Variants in ARHGEF33 observed in about 807,000 individuals in gnomAD.
The protein encoded by ARHGEF33 is DH and coiled-coil domain-containing protein ENSP00000381780.
ARHGEF33 carries 72 observed loss-of-function variants against 101.9 expected under a neutral mutation model. The observed-to-expected ratio is 0.71, with a 90% CI of 0.58 to 0.86. ARHGEF33 has a LOEUF of 0.86. Among genes scored for constraint, ARHGEF33 ranks in the 40% least tolerant of loss-of-function variants. The pLI is 0.00. For missense variants in ARHGEF33, 1,169 were observed against 1,111.3 expected (o/e 1.05, Z -0.74); for synonymous variants, 499 against 442.5 (o/e 1.13, Z -1.60).
rs1370131505 is a variant in ARHGEF33, at chr2:38,963,914, G to A, written c.2344-2092G>A. Among the ~76,000 whole-genome samples, 3 of 152,146 alleles carry A rather than the reference G, an allele frequency of 2.0e-5. No individual in the cohort carries two copies. The East Asian group carries it at 5.8e-4, about 29-fold the overall frequency. On this transcript the variant is annotated intron_variant, in intron 16 of 17. Coordinates refer to ENST00000409978, the MANE Select transcript of ARHGEF33 (RefSeq NM_001145451.5). ...TCCACAGACTGCGGAGGGGGAGGTG[G>A]TTTTGAGATGATTCAAGTGCGTTAC...
At chr2:38,929,619 A>G in intron 5 of ARHGEF33, 90 bp from the exon 6 acceptor site, 1 of 996,906 alleles carries the variant, frequency 1.0e-6, no homozygotes, top group Non-Finnish European at 1.4e-6. Flanking sequence ...CATTCAATAA[A>G]TATGTATTAA....
At chr2:38,940,984 A>G (rs911734057) in intron 9 of ARHGEF33, among the ~76,000 whole-genome samples, 1 of 152,126 alleles carries the variant, frequency 6.6e-6, no homozygotes, top group Non-Finnish European at 1.5e-5. Context: ...CAGAAATGCA[A>G]AAGTCTGGAA....
intron 4 of ARHGEF33, among the ~76,000 whole-genome samples, chr2:38,925,818 C>A (rs1170074942): frequency 6.6e-6 from 1 of 152,044 alleles, no homozygotes; most frequent in African/African-American, 2.4e-5. Context: ...GCAAGGTTCC[C>A]AAGGTACAGG....
chr2:38,901,686 A>G (rs1208948108), intron 2 of ARHGEF33, among the ~76,000 whole-genome samples: 1 of 152,242 alleles, frequency 6.6e-6, no homozygotes, highest in East Asian at 1.9e-4. Context: ...CGGTCGTTCC[A>G]GAGACTAAGC....
rs890256824 is a variant in ARHGEF33, at chr2:38,960,313, G to A, written c.2008G>A (p.Glu670Lys). The A allele has an allele frequency of 3.2e-6, 5 of 1,543,762 alleles. No homozygotes were observed. Among genetic ancestry groups the A allele is most frequent in the South Asian group, 1.2e-5 (1 of 83,834 alleles). The change falls in exon 16 of 18, where the codon GAG (glutamate) becomes AAG (lysine). Residue 670 changes from glutamate to lysine, a missense_variant. Transcript: ENST00000409978. ...VSFAMEAERP[E>K]HPLQPLPKSA... Reference sequence around the variant, plus strand: ...CTTCGCCATGGAGGCCGAGCGGCCGGAGCACCCGCTGCAGCCGCTGCCCAA... The same window carrying A: ...CTTCGCCATGGAGGCCGAGCGGCCGAAGCACCCGCTGCAGCCGCTGCCCAA...
At chr2:38,901,422 G>A (rs772444493) in intron 2 of ARHGEF33, among the ~76,000 whole-genome samples, 6 of 152,204 alleles carry the variant, frequency 3.9e-5, no homozygotes, top group Non-Finnish European at 5.9e-5. Flanking sequence ...AGGCTGTGCT[G>A]TGGATGGGAG....
In ARHGEF33 at chr2:38,951,047, C is replaced by T. The variant is rs1344892240; in HGVS notation, c.979C>T (p.Leu327=). 8 of 1,552,048 alleles carry T rather than the reference C, an allele frequency of 5.2e-6. No individual in the cohort carries two copies. The African/African-American group carries it at 6.8e-5, about 13-fold the overall frequency. The change falls in exon 11 of 18, where the codon CTG becomes TTG. Residue 327 remains leucine (L), a synonymous_variant. Coordinates refer to ENST00000409978, the MANE Select transcript of ARHGEF33 (RefSeq NM_001145451.5). ...GCAGCACCTGGATCTGCTTCACGCA[C>T]TGCAGGAAAGGGTCCTGAAGTGGCC... is the stretch of plus-strand genomic sequence containing the variant. ...VQQHLDLLHA[L]QERVLKWPRQ... is the part of the protein sequence containing the mutation.
At chr2:38,962,206 A>G (rs1667958558) in intron 16 of ARHGEF33, among the ~76,000 whole-genome samples, 1 of 152,224 alleles carries the variant, frequency 6.6e-6, no homozygotes, top group Non-Finnish European at 1.5e-5. Context: ...GGCATGTGTC[A>G]GAGTTTAGAA....
intron 16 of ARHGEF33, among the ~76,000 whole-genome samples, chr2:38,965,486 G>A (rs1668033031): frequency 6.6e-6 from 1 of 152,130 alleles, no homozygotes; most frequent in Admixed American, 6.6e-5. Flanking sequence ...TTCTAAACAG[G>A]TCTGACTTCT....
chr2:38,942,317 C>G (rs1667332190), intron 9 of ARHGEF33, among the ~76,000 whole-genome samples: 1 of 151,720 alleles, frequency 6.6e-6, no homozygotes, highest in Admixed American at 6.6e-5. Context: ...CAGGTGCACA[C>G]CACTATGCCC....
At chr2:38,926,198 C>G (rs1345880454) in intron 4 of ARHGEF33, among the ~76,000 whole-genome samples, 1 of 152,184 alleles carries the variant, frequency 6.6e-6, no homozygotes, top group East Asian at 1.9e-4. Flanking sequence ...GGGATCATAA[C>G]CTCTCTAGAG....
At position 38,931,204 on chromosome 2, in the gene ARHGEF33, C is replaced by A. The variant is rs1261818141; in HGVS notation, c.458C>A (p.Pro153Gln). Reference sequence around the variant, plus strand: ...ATCAATATCCCTGAGCCTGTTCTTCCAAGCGAAGACTTTACCAACCTTTTG... The same window carrying A: ...ATCAATATCCCTGAGCCTGTTCTTCAAAGCGAAGACTTTACCAACCTTTTG... ...RSINIPEPVLPSEDFTNLLPS... is the reference protein window; with the variant it reads ...RSINIPEPVLQSEDFTNLLPS... The change falls in exon 7 of 18, where the codon CCA becomes CAA. Residue 153 changes from proline (P) to glutamine (Q), a missense_variant. Coordinates refer to ENST00000409978, the MANE Select transcript of ARHGEF33 (RefSeq NM_001145451.5). 6.4e-7 allele frequency: 1 copy of A among 1,551,384 alleles called. No individual in the cohort carries two copies. Among genetic ancestry groups the A allele is most frequent in the Admixed American group, 2.0e-5 (1 of 50,934 alleles).
Position 38,903,448 on chromosome 2 carries a change from A to G in ARHGEF33, c.-86+7599A>G, listed in dbSNP as rs375606961. Among the ~76,000 whole-genome samples, 14 of 151,364 alleles carry G rather than the reference A, an allele frequency of 9.2e-5. No homozygotes were observed. In the East Asian group the frequency reaches 1.4e-3, roughly 15 times the overall value. On this transcript the variant is annotated intron_variant, in intron 2 of 17. Transcript: ENST00000409978. ...TTTTTTTTAGATTTATTCTGCATCTACTGGCTCATTCAAAGCCCATCACAT... is the reference window on the plus strand; with the variant it reads ...TTTTTTTTAGATTTATTCTGCATCTGCTGGCTCATTCAAAGCCCATCACAT...
At chr2:38,971,158 T>C (rs922902846) in intron 17 of ARHGEF33, among the ~76,000 whole-genome samples, 24 of 152,226 alleles carry the variant, frequency 1.6e-4, no homozygotes, top group African/African-American at 5.1e-4. Flanking sequence ...TCAGAGGTTT[T>C]TGCAGCACTG....
Position 38,931,251 on chromosome 2 carries a change from G to C in ARHGEF33, c.505G>C (p.Ala169Pro). Residue 169 changes from alanine (A) to proline (P), a missense_variant and splice_region_variant, in exon 7 of 18, where the codon GCC (alanine) becomes CCC (proline). By Grantham distance (27) the Ala-to-Pro change is conservative. Transcript: ENST00000409978. Reference protein sequence around the residue: ...NLLPSQAYEKAQESRSVHVGD... With the variant: ...NLLPSQAYEKPQESRSVHVGD... ...TTTGCCTTCTCAGGCCTACGAGAAA[G>C]GTACAGTTCACAAATCATACTGAAT... The C allele has an allele frequency of 6.5e-7, 1 of 1,545,912 alleles. No homozygotes were observed. Among genetic ancestry groups the C allele is most frequent in the Non-Finnish European group, 8.7e-7 (1 of 1,145,334 alleles).
Position 38,959,960 on chromosome 2 carries a change from T to C in ARHGEF33, c.1655T>C (p.Leu552Pro), listed in dbSNP as rs1431828052. The C allele has an allele frequency of 5.2e-6, 8 of 1,551,178 alleles. No homozygotes were observed. The South Asian group carries it at 9.5e-5, about 18-fold the overall frequency. The part of the protein sequence containing the change: ...EGRKHERPES[L>P]LAPTQFCAAE... Reference sequence around the variant, plus strand: ...AGGAAGCACGAGCGGCCCGAGAGCCTTCTGGCACCGACGCAGTTCTGCGCG... The same window carrying C: ...AGGAAGCACGAGCGGCCCGAGAGCCCTCTGGCACCGACGCAGTTCTGCGCG... The change falls in exon 16 of 18, where the codon CTT becomes CCT. Residue 552 changes from leucine to proline, a missense_variant. Leu to Pro is a moderately conservative substitution (Grantham distance 98). Transcript: ENST00000409978.
chr2:38,906,694 A>C (rs1196033949), intron 2 of ARHGEF33, among the ~76,000 whole-genome samples: 2 of 151,308 alleles, frequency 1.3e-5, no homozygotes, highest in Non-Finnish European at 2.9e-5. Context: ...GGCTGGGTGC[A>C]GTGGCTCATG....
chr2:38,968,105 G>A (rs59293050), intron 17 of ARHGEF33, among the ~76,000 whole-genome samples: 3 of 152,048 alleles, frequency 2.0e-5, no homozygotes, highest in Non-Finnish European at 4.4e-5. Flanking sequence ...AGAGATGTAA[G>A]AAAATGTTTT....
rs34417172 is a variant in ARHGEF33, at chr2:38,963,023, C to CA, written c.2343+2392dup. Among the ~76,000 whole-genome samples the CA allele has an allele frequency of 2.3e-3, 235 of 102,006 alleles. 2 individuals carry two copies. Among genetic ancestry groups the CA allele is most frequent in the African/African-American group, 4.5e-3 (114 of 25,600 alleles). The allele number at this position is 102,006 out of a possible 152,430, so 66.9% of individuals were successfully genotyped here. A position where few individuals can be genotyped will look rare whatever the true frequency, so the allele number is the denominator to read the frequency against. Reference sequence around the variant, plus strand: ...TGGGAGAAAGTGTGAGACTCTGTCTCAAAAAAAAAAAAAAAAAGGCCCTGG... The same window carrying CA: ...TGGGAGAAAGTGTGAGACTCTGTCTCAAAAAAAAAAAAAAAAAAGGCCCTGG... On this transcript the variant is annotated intron_variant, in intron 16 of 17. Coordinates refer to ENST00000409978, the MANE Select transcript of ARHGEF33 (RefSeq NM_001145451.5).
Sources: allele counts gnomAD v4.1 joint callset (sites outside exome capture counted in the v4.1 genomes callset), GRCh38; gene constraint gnomAD v4.1.1; transcripts MANE v1.5; gene names NCBI Gene and HGNC (gene_info 2026-07-23, HGNC 2026-07-21).